ADCY8: variants seen among roughly 807,000 people sequenced by gnomAD.
ADCY8 encodes the protein adenylate cyclase type 8.
Under a neutral mutation model 119.7 loss-of-function variants are expected in ADCY8, and 51 were observed. The ratio of observed to expected loss-of-function variants is 0.43; its 90% CI spans 0.34 to 0.54. The LOEUF (loss-of-function observed/expected upper bound fraction) is 0.54, where lower values mean the gene tolerates loss of function less well. Ranked by LOEUF, ADCY8 falls within the 20% of genes least tolerant of loss-of-function variation. The probability of loss-of-function intolerance (pLI) is 0.03; values close to 1 mark genes in which losing one functional copy is unlikely to be tolerated. For missense variants in ADCY8, 1,383 were observed against 1,598.8 expected, an observed-to-expected ratio of 0.87 and a Z score of 2.30; for synonymous variants, 665 against 651.0, an observed-to-expected ratio of 1.02 and a Z score of -0.33.
At chr8:130,885,526 C>T (rs1038808504) in intron 7 of ADCY8, among the ~76,000 whole-genome samples, 4 of 152,028 alleles carry the variant, frequency 2.6e-5, no homozygotes, top group East Asian at 1.9e-4. Flanking sequence ...CATTGGCTTA[C>T]GAAGACACAC....
rs533931340 is a variant in ADCY8 at position 130,945,565 on chromosome 8, T to G, written c.1242-2103A>C. The stretch of plus-strand genomic sequence containing the variant: ...TACTTGCCTCATTAGTGGGTAGTGT[T>G]TAGCACATCACCTGGCAATTGCCAG... On this transcript the variant is annotated intron_variant, in intron 3 of 17. Transcript: ENST00000286355. 7.2e-5 allele frequency among the ~76,000 whole-genome samples: 11 copies of G among 152,356 alleles called. No homozygotes were observed. In the South Asian group the frequency reaches 2.3e-3, roughly 32 times the overall value.
At chr8:131,004,140 G>A (rs1406178481) in intron 1 of ADCY8, among the ~76,000 whole-genome samples, 2 of 152,138 alleles carry the variant, frequency 1.3e-5, no homozygotes, top group African/African-American at 4.8e-5. Context: ...GTGAGAGGGT[G>A]GATGTAGTCT....
At chr8:130,870,946 G>A (rs984392394) in intron 8 of ADCY8, among the ~76,000 whole-genome samples, 11 of 152,106 alleles carry the variant, frequency 7.2e-5, no homozygotes, top group Non-Finnish European at 4.4e-5. Context: ...CGTTAATGTA[G>A]TTCATAAGTT....
chr8:130,909,105 A>C (rs1819892117), intron 6 of ADCY8, among the ~76,000 whole-genome samples: 1 of 152,146 alleles, frequency 6.6e-6, no homozygotes, highest in South Asian at 2.1e-4. Context: ...ACACTGGCTC[A>C]CATATATCTG....
At position 130,831,867 on chromosome 8, in the gene ADCY8, G is replaced by A. The variant is rs181537028; in HGVS notation, c.2675+4410C>T. Among the ~76,000 whole-genome samples the A allele has an allele frequency of 5.3e-3, 811 of 152,300 alleles. 5 individuals are homozygous for A. The highest frequency in any genetic ancestry group is 9.7e-3 in the Admixed American group (148 of 15,298). On this transcript the variant is annotated intron_variant, in intron 12 of 17. Transcript: ENST00000286355. ...AGAGTGGCAGCATTTGTGATATGGAGGGGTGATGTCTAATAACAAACATTA... is the reference window on the plus strand; with the variant it reads ...AGAGTGGCAGCATTTGTGATATGGAAGGGTGATGTCTAATAACAAACATTA...
At chr8:131,001,880 T>C (rs1822958837) in intron 1 of ADCY8, among the ~76,000 whole-genome samples, 1 of 152,162 alleles carries the variant, frequency 6.6e-6, no homozygotes, top group Non-Finnish European at 1.5e-5. Context: ...TTTATGTCCA[T>C]TATTTACTCT....
At chr8:130,994,939 T>A (rs190969447) in intron 1 of ADCY8, among the ~76,000 whole-genome samples, 1 of 152,112 alleles carries the variant, frequency 6.6e-6, no homozygotes, top group Admixed American at 6.5e-5. Flanking sequence ...CTCTGGGGTG[T>A]GGAGTGGGAA....
chr8:130,806,133 C>G (rs10100580), intron 14 of ADCY8, among the ~76,000 whole-genome samples: 6,818 of 152,210 alleles, frequency 0.045, 499 homozygotes, highest in African/African-American at 0.16. Flanking sequence ...GCTGTGGGCA[C>G]ATGACTCTGG....
intron 5 of ADCY8, among the ~76,000 whole-genome samples, chr8:130,932,273 C>T (rs1820652837): frequency 6.6e-6 from 1 of 152,182 alleles, no homozygotes; most frequent in African/African-American, 2.4e-5. Flanking sequence ...CCACTAATGT[C>T]AACCTAATAG....
At chr8:131,020,298 G>A (rs973223433) in intron 1 of ADCY8, among the ~76,000 whole-genome samples, 1 of 152,160 alleles carries the variant, frequency 6.6e-6, no homozygotes, top group Admixed American at 6.5e-5. Flanking sequence ...ATGTAGTGAG[G>A]CTACTGTGAT....
At chr8:130,859,360 C>T (rs1563697152) in intron 9 of ADCY8, among the ~76,000 whole-genome samples, 1 of 152,188 alleles carries the variant, frequency 6.6e-6, no homozygotes, top group African/African-American at 2.4e-5. Flanking sequence ...AACTGACTCC[C>T]ACCATCTGCC....
intron 1 of ADCY8, among the ~76,000 whole-genome samples, chr8:131,036,884 C>T (rs559777377): frequency 2.6e-5 from 4 of 152,238 alleles, no homozygotes; most frequent in African/African-American, 9.6e-5. Context: ...GCAACTAGCT[C>T]AGAGAATCAA....
At chr8:131,018,646 G>A (rs1823556850) in intron 1 of ADCY8, among the ~76,000 whole-genome samples, 1 of 152,176 alleles carries the variant, frequency 6.6e-6, no homozygotes, top group Admixed American at 6.5e-5. Flanking sequence ...CTCTGTTTAT[G>A]CTCACTCCTA....
At chr8:131,009,490 A>C (rs190760850) in intron 1 of ADCY8, among the ~76,000 whole-genome samples, 3 of 152,330 alleles carry the variant, frequency 2.0e-5, no homozygotes, top group African/African-American at 7.2e-5. Flanking sequence ...GCTGGCACTC[A>C]TTCTATCTTC....
At chr8:131,003,076 C>T (rs1823001683) in intron 1 of ADCY8, among the ~76,000 whole-genome samples, 1 of 152,014 alleles carries the variant, frequency 6.6e-6, no homozygotes, top group South Asian at 2.1e-4. Flanking sequence ...TGGTGGATGC[C>T]TATAATCCCA....
At chr8:130,973,659 A>C (rs991154576) in intron 2 of ADCY8, among the ~76,000 whole-genome samples, 1 of 152,198 alleles carries the variant, frequency 6.6e-6, no homozygotes, top group Admixed American at 6.5e-5. Context: ...TTACAGAGCA[A>C]AAGATAATTG....
chr8:131,018,802 A>T (rs1478964303), intron 1 of ADCY8, among the ~76,000 whole-genome samples: 2 of 152,136 alleles, frequency 1.3e-5, no homozygotes, highest in Non-Finnish European at 2.9e-5. Flanking sequence ...ATGTGTTCTC[A>T]CTCATTCTGC....
At chr8:130,914,267 GC>G (rs2130563029) in intron 5 of ADCY8, among the ~76,000 whole-genome samples, 1 of 152,292 alleles carries the variant, frequency 6.6e-6, no homozygotes, top group Admixed American at 6.5e-5. Context: ...ACTATTGTGA[GC>G]CCCGAAGGAT....
At chr8:130,788,404 A>G (rs1188168518) in intron 15 of ADCY8, among the ~76,000 whole-genome samples, 3 of 152,228 alleles carry the variant, frequency 2.0e-5, no homozygotes, top group African/African-American at 4.8e-5. Flanking sequence ...GACAAATGTC[A>G]TATAATCTCA....
Sources: allele counts gnomAD v4.1 joint callset (sites outside exome capture counted in the v4.1 genomes callset), GRCh38; gene constraint gnomAD v4.1.1; transcripts MANE v1.5; gene names NCBI Gene and HGNC (gene_info 2026-07-23, HGNC 2026-07-21).